Variants in NRDC observed in about 807,000 individuals in gnomAD.
NRDC encodes the protein nardilysin.
NRDC carries 54 observed loss-of-function variants against 147.1 expected under a neutral mutation model. The observed-to-expected ratio is 0.37, with a 90% CI of 0.29 to 0.46. NRDC has a LOEUF of 0.46. NRDC is among the 20% of genes least tolerant of loss of function. The pLI is 1.00. For synonymous variants in NRDC, 440 were observed against 482.1 expected (o/e 0.91, Z 1.14); for missense variants, 1,082 against 1,370.6 (o/e 0.79, Z 3.33).
intron 8 of NRDC, among the ~76,000 whole-genome samples, chr1:51,820,515 C>A (rs554968743): frequency 2.0e-5 from 3 of 152,016 alleles, no homozygotes; most frequent in Non-Finnish European, 4.4e-5. Flanking sequence ...TTAAACACAC[C>A]TCTGATTTTA....
At chr1:51,830,060 G>A (rs1420579914) in intron 4 of NRDC, among the ~76,000 whole-genome samples, 1 of 147,054 alleles carries the variant, frequency 6.8e-6, no homozygotes, top group East Asian at 2.0e-4. Context: ...TGCCTCCCAC[G>A]TTCAAGCGAT....
At chr1:51,790,057 A>G (rs1678520427) in intron 29 of NRDC, among the ~76,000 whole-genome samples, 1 of 152,184 alleles carries the variant, frequency 6.6e-6, no homozygotes, top group African/African-American at 2.4e-5. Context: ...TCTTTACATC[A>G]CAGAGCAATG....
chr1:51,790,418 G>A (rs1305483302), intron 29 of NRDC, 115 bp downstream of exon 29: 1 of 748,912 alleles, frequency 1.3e-6, no homozygotes, highest in East Asian at 2.5e-5. Flanking sequence ...AATCAGGCCA[G>A]GACTAGTGTT....
intron 4 of NRDC, among the ~76,000 whole-genome samples, chr1:51,830,123 C>A (rs1680640846): frequency 6.6e-6 from 1 of 151,902 alleles, no homozygotes; most frequent in Non-Finnish European, 1.5e-5. Context: ...CGCCACCGGA[C>A]CCGGCTAATT....
At chr1:51,865,999 C>A (rs1222129261) in intron 1 of NRDC, among the ~76,000 whole-genome samples, 1 of 151,766 alleles carries the variant, frequency 6.6e-6, no homozygotes. Flanking sequence ...GCAGAGGTTG[C>A]AGTGAGCCAA....
chr1:51,809,388 A>G lies in NRDC; in HGVS notation c.1917T>C (p.Ser639=). 6 of 1,611,398 alleles carry G rather than the reference A, an allele frequency of 3.7e-6. No individual in the cohort carries two copies. Among genetic ancestry groups the G allele is most frequent in the Middle Eastern group, 1.7e-4 (1 of 6,048 alleles). ...TQYSIEDIEN[S]WAELWNSNFE... is the part of the protein sequence containing the mutation. ...AATTACTATTCCACAGTTCAGCCCAAGAGTTTTCAATATCTGTAAAGGAGA... is the reference window on the plus strand; with the variant it reads ...AATTACTATTCCACAGTTCAGCCCAGGAGTTTTCAATATCTGTAAAGGAGA... The change falls in exon 17 of 31, where the codon TCT becomes TCC. Residue 639 remains serine (S), a synonymous_variant. Transcript: ENST00000352171.
rs113752195 is a variant in NRDC, at chr1:51,873,764, G to A, written c.341+4511C>T. On this transcript the variant is annotated intron_variant, in intron 1 of 30. Coordinates refer to ENST00000352171, the MANE Select transcript of NRDC (RefSeq NM_001101662.2). ...GACCTCAGATGATCCACCCACCTCCGCCTCCCAAAGTGCTGGGATTACAGG... is the reference window on the plus strand; with the variant it reads ...GACCTCAGATGATCCACCCACCTCCACCTCCCAAAGTGCTGGGATTACAGG... Among the ~76,000 whole-genome samples, 948 of 151,428 alleles carry A rather than the reference G, an allele frequency of 6.3e-3. 7 individuals carry two copies. Among genetic ancestry groups the A allele is most frequent in the African/African-American group, 0.022 (907 of 41,366 alleles).
chr1:51,847,470 CG>C (rs1473032939), intron 1 of NRDC, among the ~76,000 whole-genome samples: 1 of 152,208 alleles, frequency 6.6e-6, no homozygotes, highest in Non-Finnish European at 1.5e-5. Context: ...CAGGAGACCA[CG>C]GCGGGGTGGG....
intron 5 of NRDC, 67 bp downstream of exon 5, chr1:51,827,729 T>C: frequency 1.7e-6 from 2 of 1,198,804 alleles, no homozygotes; most frequent in Non-Finnish European, 2.5e-6. Context: ...TAAAGAAGGA[T>C]AAATGTAATA....
intron 1 of NRDC, among the ~76,000 whole-genome samples, chr1:51,869,021 C>T (rs949886321): frequency 6.6e-5 from 10 of 152,222 alleles, no homozygotes; most frequent in Non-Finnish European, 1.5e-4. Context: ...CTCACTACAA[C>T]CTCAAACTCT....
intron 2 of NRDC, chr1:51,837,577 C>A (rs562739147): frequency 6.3e-7 from 1 of 1,593,838 alleles, no homozygotes; most frequent in South Asian, 1.1e-5. Flanking sequence ...AAACCACAGT[C>A]TATCAGTCAG....
intron 3 of NRDC, among the ~76,000 whole-genome samples, chr1:51,835,862 T>C (rs1338689935): frequency 1.3e-5 from 2 of 152,192 alleles, no homozygotes; most frequent in Non-Finnish European, 2.9e-5. Context: ...ATGGCAATCA[T>C]CTCCTGATCC....
intron 1 of NRDC, among the ~76,000 whole-genome samples, chr1:51,857,596 C>G (rs1020724064): frequency 6.6e-6 from 1 of 152,202 alleles, no homozygotes; most frequent in African/African-American, 2.4e-5. Context: ...CGCTGAGATT[C>G]TGAAGCTCGA....
At chr1:51,848,560 CAAGAG>C (rs1681774207) in intron 1 of NRDC, among the ~76,000 whole-genome samples, 1 of 152,018 alleles carries the variant, frequency 6.6e-6, no homozygotes, top group African/African-American at 2.4e-5. Context: ...TTACCTAGAA[CAAGAG>C]AATTACCAAA....
chr1:51,875,837 G>C (rs1230738078), intron 1 of NRDC, among the ~76,000 whole-genome samples: 2 of 151,928 alleles, frequency 1.3e-5, no homozygotes, highest in East Asian at 3.9e-4. Flanking sequence ...ACAGGCATGA[G>C]CCACCACAAC....
chr1:51,789,725 G>T, intron 29 of NRDC, 68 bp from the exon 30 acceptor site: 1 of 1,103,544 alleles, frequency 9.1e-7, no homozygotes, highest in Non-Finnish European at 1.4e-6. Context: ...TAACCCCCAG[G>T]CAGATGTCCC....
At chr1:51,821,290 GC>G (rs1162931922) in intron 8 of NRDC, among the ~76,000 whole-genome samples, 1 of 152,124 alleles carries the variant, frequency 6.6e-6, no homozygotes, top group East Asian at 1.9e-4. Flanking sequence ...ACATTTACAA[GC>G]CTGTAAATTT....
intron 25 of NRDC, 90 bp from the exon 26 acceptor site, chr1:51,792,188 G>A: frequency 6.5e-7 from 1 of 1,542,688 alleles, no homozygotes; most frequent in South Asian, 1.1e-5. Context: ...TACCTCCCAA[G>A]TCCAGCCTCC....
intron 6 of NRDC, among the ~76,000 whole-genome samples, chr1:51,824,641 T>C (rs967303343): frequency 6.6e-6 from 1 of 152,032 alleles, no homozygotes; most frequent in Non-Finnish European, 1.5e-5. Flanking sequence ...AGTTAAACAG[T>C]TTACTAGATG....
Sources: allele counts gnomAD v4.1 joint callset (sites outside exome capture counted in the v4.1 genomes callset), GRCh38; gene constraint gnomAD v4.1.1; transcripts MANE v1.5; gene names NCBI Gene and HGNC (gene_info 2026-07-23, HGNC 2026-07-21).